The following NALCN variants were observed in gnomAD, a reference collection of about 807,000 sequenced individuals.
The protein encoded by NALCN is sodium leak channel NALCN.
NALCN carries 111 observed loss-of-function variants against 225.3 expected under a neutral mutation model. The observed-to-expected ratio is 0.49, with a 90% CI of 0.42 to 0.58. NALCN has a LOEUF of 0.58. Among genes scored for constraint, NALCN ranks in the 20% least tolerant of loss-of-function variants. The pLI is 0.00. For synonymous variants in NALCN, 764 were observed against 769.0 expected, an observed-to-expected ratio of 0.99 and a Z score of 0.11; for missense variants, 1,378 against 2,202.4, an observed-to-expected ratio of 0.63 and a Z score of 7.49.
chr13:101,058,417 TGGGCGG>T, intron 42 of NALCN: 2 of 184,780 alleles, frequency 1.1e-5, no homozygotes, highest in Non-Finnish European at 2.2e-5. Context: ...GGGGACGGGC[TGGGCGG>T]GGGCAGTCTA....
intron 34 of NALCN, among the ~76,000 whole-genome samples, chr13:101,080,514 T>C (rs953989639): frequency 1.4e-5 from 2 of 145,064 alleles, no homozygotes. Flanking sequence ...TAAGTATAAT[T>C]ACATACATAA....
At chr13:101,113,073 T>C (rs564356048) in intron 18 of NALCN, among the ~76,000 whole-genome samples, 7 of 152,360 alleles carry the variant, frequency 4.6e-5, no homozygotes, top group Non-Finnish European at 1.0e-4. Flanking sequence ...TGAATGTAAA[T>C]GTATTCTTGG....
At chr13:101,246,378 G>T (rs1056428924) in intron 11 of NALCN, among the ~76,000 whole-genome samples, 2 of 152,152 alleles carry the variant, frequency 1.3e-5, no homozygotes, top group Non-Finnish European at 2.9e-5. Flanking sequence ...CACAAAGGAA[G>T]ATTACAGGAC....
At chr13:101,368,414 T>G (rs1482941065) in intron 6 of NALCN, 1 of 152,038 alleles carries the variant, frequency 6.6e-6, no homozygotes, top group Admixed American at 6.6e-5. Flanking sequence ...TGTTGGACAT[T>G]TGGGTTGGTT....
chr13:101,414,949 A>G (rs1172519576), intron 1 of NALCN, among the ~76,000 whole-genome samples: 1 of 151,870 alleles, frequency 6.6e-6, no homozygotes, highest in African/African-American at 2.4e-5. Context: ...TGGCTAGGTC[A>G]AAGTATACTA....
intron 6 of NALCN, among the ~76,000 whole-genome samples, chr13:101,361,621 T>G (rs2046254249): frequency 6.6e-6 from 1 of 152,222 alleles, no homozygotes; most frequent in Non-Finnish European, 1.5e-5. Flanking sequence ...CTGTTTCATC[T>G]CAGCCACTTT....
chr13:101,067,979 A>T lies in NALCN; in HGVS notation c.4385T>A (p.Leu1462Ter). Residue 1462 changes from leucine to a stop codon, truncating the protein, a stop_gained, in exon 39 of 44, where the codon TTA becomes TAA. Coordinates refer to ENST00000251127, the MANE Select transcript of NALCN (RefSeq NM_052867.4). LOFTEE classifies it high-confidence loss of function. ...LFYSTEEDQL[L>*]SYNDLRHFQI... The stretch of plus-strand genomic sequence containing the variant: ...AAAGTGGCGAAGATCATTGTAACTT[A>T]AAAGCTGGTCCTCCTCAGTGGAATA... The T allele has an allele frequency of 6.2e-7, 1 of 1,613,346 alleles. No homozygotes were observed. The highest frequency in any genetic ancestry group is 2.2e-5 in the East Asian group (1 of 44,870).
At chr13:101,234,044 A>C (rs747169609) in intron 12 of NALCN, among the ~76,000 whole-genome samples, 46 of 151,960 alleles carry the variant, frequency 3.0e-4, no homozygotes, top group Non-Finnish European at 6.5e-4. Flanking sequence ...CCTTCACTTC[A>C]TTCAGTCTCT....
intron 3 of NALCN, among the ~76,000 whole-genome samples, chr13:101,383,319 T>C (rs2046899907): frequency 6.6e-6 from 1 of 152,224 alleles, no homozygotes; most frequent in Admixed American, 6.5e-5. Context: ...GAATTTATAT[T>C]TGGTCTCTCC....
chr13:101,255,426 T>C (rs2042199178), intron 11 of NALCN, among the ~76,000 whole-genome samples: 1 of 139,286 alleles, frequency 7.2e-6, no homozygotes, highest in Non-Finnish European at 1.6e-5. Flanking sequence ...GCTCCAGGAC[T>C]GATTTAGTGT....
intron 7 of NALCN, among the ~76,000 whole-genome samples, chr13:101,332,647 A>G (rs1336604166): frequency 6.6e-6 from 1 of 152,244 alleles, no homozygotes; most frequent in Admixed American, 6.5e-5. Flanking sequence ...CACTTAACTT[A>G]TGCTACTGTA....
At chr13:101,222,781 G>T (rs1227724251) in intron 13 of NALCN, among the ~76,000 whole-genome samples, 1 of 152,176 alleles carries the variant, frequency 6.6e-6, no homozygotes, top group Non-Finnish European at 1.5e-5. Flanking sequence ...AATTTGGAGG[G>T]AGCGGGGCTA....
chr13:101,395,267 A>T lies in NALCN; in HGVS notation c.207T>A (p.Tyr69Ter). The T allele has an allele frequency of 6.2e-7, 1 of 1,614,118 alleles. No individual in the cohort carries two copies. Among genetic ancestry groups the T allele is most frequent in the Non-Finnish European group, 8.5e-7 (1 of 1,179,966 alleles). The change falls in exon 3 of 44, where the codon TAT becomes TAA. Residue 69 changes from tyrosine to a stop codon, truncating the protein, a stop_gained. Transcript: ENST00000251127. LOFTEE classifies it high-confidence loss of function. ...ATAATGTATCCAAAGTGAAGGTCAC[A>T]TACTGAAGTGGAGGATAGTGCTCGA... ...MTFEHYPPLQ[Y>*]VTFTLDTLLM...
intron 10 of NALCN, among the ~76,000 whole-genome samples, chr13:101,265,432 A>G (rs2042565343): frequency 6.6e-6 from 1 of 152,158 alleles, no homozygotes; most frequent in Non-Finnish European, 1.5e-5. Context: ...ACTGAGTCCA[A>G]CCTCAAGCAG....
Position 101,124,836 on chromosome 13 carries a change from T to C in NALCN, c.2119-155A>G, listed in dbSNP as rs559475228. On this transcript the variant is annotated intron_variant, in intron 17 of 43. Transcript: ENST00000251127. The stretch of plus-strand genomic sequence containing the variant: ...TGACAATTCTTGTCTATTTTTACTT[T>C]TATTTGGGCAGCACCATGAACAAAC... Among the ~76,000 whole-genome samples, 21 of 152,324 alleles carry C rather than the reference T, an allele frequency of 1.4e-4. 1 individual carries two copies. In the South Asian group the frequency reaches 4.1e-3, roughly 30 times the overall value.
intron 11 of NALCN, among the ~76,000 whole-genome samples, chr13:101,245,485 A>G (rs60039674): frequency 0.017 from 2,538 of 152,124 alleles, 73 homozygotes; most frequent in African/African-American, 0.058. Context: ...TACCTCTACC[A>G]TATTATATAT....
At chr13:101,146,420 G>T (rs1350882509) in intron 15 of NALCN, among the ~76,000 whole-genome samples, 1 of 152,154 alleles carries the variant, frequency 6.6e-6, no homozygotes, top group Non-Finnish European at 1.5e-5. Context: ...TAAGGAATTA[G>T]CTCCCAAAGA....
At chr13:101,181,583 A>AC (rs71200726) in intron 14 of NALCN, among the ~76,000 whole-genome samples, 36,260 of 149,866 alleles carry the variant, frequency 0.24, 5,115 homozygotes, top group Non-Finnish European at 0.32. Context: ...AAAAAAAAAA[A>AC]CAAAAATTAG....
chr13:101,089,413 C>T lies in NALCN; in HGVS notation c.3489+250G>A, dbSNP rs980520737. Reference sequence around the variant, plus strand: ...TTTTCAATTTGAACAATAGGAGACGCGCCTCTCAGTTGTCGGTGAATTAAT... The same window carrying T: ...TTTTCAATTTGAACAATAGGAGACGTGCCTCTCAGTTGTCGGTGAATTAAT... On this transcript the variant is annotated intron_variant, in intron 30 of 43. Coordinates refer to ENST00000251127, the MANE Select transcript of NALCN (RefSeq NM_052867.4). This position sits in a 1 kb window ranked among gnomAD's most constrained non-coding sequence, Gnocchi z 4.7. Among the ~76,000 whole-genome samples the T allele has an allele frequency of 2.6e-5, 4 of 152,170 alleles. No individual in the cohort carries two copies. Among genetic ancestry groups the T allele is most frequent in the Non-Finnish European group, 5.9e-5 (4 of 68,032 alleles).
Sources: allele counts gnomAD v4.1 joint callset (sites outside exome capture counted in the v4.1 genomes callset), GRCh38; gene constraint gnomAD v4.1.1; non-coding constraint Gnocchi (gnomAD v3.1); transcripts MANE v1.5; gene names NCBI Gene and HGNC (gene_info 2026-07-23, HGNC 2026-07-21).